Variants in AMZ1 observed in about 807,000 individuals in gnomAD.
AMZ1 encodes the protein archaemetzincin-1.
AMZ1 carries 39 observed loss-of-function variants against 29.9 expected under a neutral mutation model. The observed-to-expected ratio is 1.30, with a 90% confidence interval of 1.01 to 1.70. AMZ1 has a LOEUF of 1.70. AMZ1 is among the 40% of genes most tolerant of loss of function. AMZ1 has a pLI of 0.00. For synonymous variants in AMZ1, 458 were observed against 304.0 expected (o/e 1.51, Z -5.27); for missense variants, 1,041 against 680.6 (o/e 1.53, Z -5.89).
Position 2,731,628 on chromosome 7 carries a change from G to C in AMZ1, n.550+21812G>C. On this transcript the variant is annotated intron_variant and non_coding_transcript_variant, in intron 4 of 4. Coordinates refer to the AMZ1 transcript ENST00000489665. This position sits in a 1 kb window ranked among gnomAD's most constrained non-coding sequence, Gnocchi z 6.0. ...AGCACTGGAACCACTTCTGGCGCTG[G>C]GACCGCTGGCCGCCCACATCCACCA... 1 of 1,613,898 alleles carries C rather than the reference G, an allele frequency of 6.2e-7. No homozygotes were observed. The highest frequency in any genetic ancestry group is 8.5e-7 in the Non-Finnish European group (1 of 1,179,964).
chr7:2,687,445 G>A (rs1787125042), upstream of AMZ1, among the ~76,000 whole-genome samples: 1 of 152,252 alleles, frequency 6.6e-6, no homozygotes, highest in Non-Finnish European at 1.5e-5. Context: ...GAGCTGGTGG[G>A]AGGCTGCCCG....
At chr7:2,750,417 G>C (rs1448010513) in intron 4 of AMZ1, among the ~76,000 whole-genome samples, 1 of 152,146 alleles carries the variant, frequency 6.6e-6, no homozygotes, top group Non-Finnish European at 1.5e-5. Flanking sequence ...TTATCCTCAG[G>C]GGACACATGC....
upstream of AMZ1, among the ~76,000 whole-genome samples, chr7:2,761,583 G>T (rs1791557817): frequency 6.6e-6 from 1 of 152,160 alleles, no homozygotes; most frequent in Non-Finnish European, 1.5e-5. Context: ...GAATTCCTAG[G>T]ATACAAACAG....
intron 4 of AMZ1, among the ~76,000 whole-genome samples, chr7:2,754,557 A>C (rs1791199007): frequency 6.6e-6 from 1 of 151,412 alleles, no homozygotes; most frequent in Admixed American, 6.6e-5. Context: ...AACCTGGGCA[A>C]CATAGTGAGA....
At chr7:2,703,895 C>T (rs1554248263) in intron 3 of AMZ1, among the ~76,000 whole-genome samples, 3 of 151,790 alleles carry the variant, frequency 2.0e-5, no homozygotes, top group Non-Finnish European at 4.4e-5. Context: ...ATCCAAGGTA[C>T]TTTTTTTTTC....
At chr7:2,762,482 C>A, upstream of AMZ1, 1 of 709,388 alleles carries the variant, frequency 1.4e-6, no homozygotes, top group South Asian at 2.6e-5. Flanking sequence ...CACCCGTGTG[C>A]GGGGCCTGAG....
At chr7:2,708,447 C>G in intron 3 of AMZ1, 141 bp from the exon 4 acceptor site, 1 of 1,318,532 alleles carries the variant, frequency 7.6e-7, no homozygotes. Context: ...TCAGGTCACA[C>G]CAAACGCTGG....
chr7:2,737,269 G>GGTTTTTTTTTTTTTTTTTTTTTTTTTTTT (rs1790236955), intron 4 of AMZ1, among the ~76,000 whole-genome samples: 1 of 38,112 alleles, frequency 2.6e-5, no homozygotes, highest in African/African-American at 9.4e-5. Context: ...TCACAGTTTT[G>GGTTTTTTTTTTTTTTTTTTTTTTTTTTTT]TTTTGTTTTT....
At chr7:2,746,586 C>A (rs1790773347) in intron 4 of AMZ1, among the ~76,000 whole-genome samples, 1 of 152,048 alleles carries the variant, frequency 6.6e-6, no homozygotes, top group Non-Finnish European at 1.5e-5. Flanking sequence ...AAAATTGACA[C>A]CCTAACATCA....
intron 4 of AMZ1, among the ~76,000 whole-genome samples, chr7:2,759,140 A>AAAAT (rs3074427): frequency 0.025 from 3,649 of 144,746 alleles, 49 homozygotes; most frequent in Middle Eastern, 0.039. Flanking sequence ...ACACTGTCTC[A>AAAAT]AAATAAATAA....
At position 2,700,741 on chromosome 7, in the gene AMZ1, A is replaced by G; in HGVS notation, c.290A>G (p.Tyr97Cys). The change falls in exon 2 of 7, where the codon TAC becomes TGC. Residue 97 changes from tyrosine to cysteine, a missense_variant. Coordinates refer to ENST00000683327, the MANE Select transcript of AMZ1 (RefSeq NM_001384743.1). ...CCCCGCCTGGCTCGGAAGCACATCT[A>G]CCTACAGCCGATAGGTACGGGACGC... ...RKPRLARKHI[Y>C]LQPIDLSEEP... The G allele has an allele frequency of 6.2e-7, 1 of 1,612,454 alleles. No individual in the cohort carries two copies.
chr7:2,712,962 G>A lies in AMZ1; in HGVS notation c.*84G>A. 1 of 1,373,458 alleles carries A rather than the reference G, an allele frequency of 7.3e-7. No individual in the cohort carries two copies. The highest frequency in any genetic ancestry group is 9.5e-7 in the Non-Finnish European group (1 of 1,050,502). 85.1% of individuals were successfully genotyped at this position (1,373,458 alleles called of 1,614,324 possible). A position where few individuals can be genotyped will look rare whatever the true frequency, so the allele number is the denominator to read the frequency against. ...AGCTGAGGCCACTACTGACCTGCCAGGGATAAAGAGGAAGGGTCTGCCTGG... is the reference window on the plus strand; with the variant it reads ...AGCTGAGGCCACTACTGACCTGCCAAGGATAAAGAGGAAGGGTCTGCCTGG... On this transcript the variant is annotated 3_prime_UTR_variant, in exon 7 of 7. Transcript: ENST00000683327.
At chr7:2,735,532 G>T (rs1790125531) in intron 4 of AMZ1, among the ~76,000 whole-genome samples, 2 of 152,152 alleles carry the variant, frequency 1.3e-5, no homozygotes, top group South Asian at 4.1e-4. Flanking sequence ...AAGCTCGATG[G>T]GAAGCAGAAA....
chr7:2,731,232 A>C lies in AMZ1; in HGVS notation n.550+21416A>C. 1 of 1,612,796 alleles carries C rather than the reference A, an allele frequency of 6.2e-7. No homozygotes were observed. The highest frequency in any genetic ancestry group is 1.1e-5 in the South Asian group (1 of 91,048). The stretch of plus-strand genomic sequence containing the variant: ...TCTCCTGCAGGATGGTGTCTTTCAC[A>C]GCATGGAACACGAAGCGGACGTTCT... On this transcript the variant is annotated intron_variant and non_coding_transcript_variant, in intron 4 of 4. Transcript: ENST00000489665. The surrounding 1 kb of genome is among the most constrained non-coding windows in gnomAD (Gnocchi z 6.0).
downstream of AMZ1, among the ~76,000 whole-genome samples, chr7:2,724,520 C>A (rs556074689): frequency 6.6e-6 from 1 of 152,330 alleles, no homozygotes; most frequent in South Asian, 2.1e-4. Flanking sequence ...CCGACCATGG[C>A]CCTCTGTGCC....
Position 2,709,662 on chromosome 7 carries a change from A to G in AMZ1, c.794A>G (p.His265Arg). ...CAGGTCACGTGCCACGAGCTCTGCC[A>G]CCTTCTGGGCCTGGGGAACTGCCGC... ...CCKVTCHELC[H>R]LLGLGNCRWL... Residue 265 changes from histidine to arginine, a missense_variant, in exon 6 of 7, where the codon CAC (histidine) becomes CGC (arginine). By Grantham distance (29) the His-to-Arg change is conservative. Coordinates refer to ENST00000683327, the MANE Select transcript of AMZ1 (RefSeq NM_001384743.1). 4.3e-6 allele frequency: 7 copies of G among 1,609,876 alleles called. No homozygotes were observed. Among genetic ancestry groups the G allele is most frequent in the Non-Finnish European group, 5.9e-6 (7 of 1,179,154 alleles).
intron 4 of AMZ1, among the ~76,000 whole-genome samples, chr7:2,754,628 G>C (rs1208296994): frequency 1.3e-4 from 19 of 151,644 alleles, no homozygotes; most frequent in Admixed American, 1.2e-3. Flanking sequence ...CGTTCCTGTA[G>C]TCCCAGCTAT....
chr7:2,763,911 A>G (rs576632259), upstream of AMZ1, among the ~76,000 whole-genome samples: 7 of 152,312 alleles, frequency 4.6e-5, no homozygotes, highest in South Asian at 2.1e-4. Context: ...CTGTTGCTTT[A>G]GAGTCTTGGT....
At chr7:2,753,826 A>G (rs1791153274) in intron 4 of AMZ1, among the ~76,000 whole-genome samples, 1 of 152,034 alleles carries the variant, frequency 6.6e-6, no homozygotes, top group South Asian at 2.1e-4. Flanking sequence ...CTTCTGGGAT[A>G]TCTTTTTCTT....
Sources: allele counts gnomAD v4.1 joint callset (sites outside exome capture counted in the v4.1 genomes callset), GRCh38; gene constraint gnomAD v4.1.1; non-coding constraint Gnocchi (gnomAD v3.1); transcripts MANE v1.5; gene names NCBI Gene and HGNC (gene_info 2026-07-23, HGNC 2026-07-21).